PRLR: variants seen among roughly 807,000 people sequenced by gnomAD.
PRLR encodes prolactin receptor.
A neutral mutation model predicts 40.2 loss-of-function variants in PRLR; 13 were observed. The ratio of observed to expected loss-of-function variants is 0.32; its 90% CI spans 0.21 to 0.51. The LOEUF is 0.51. Ranked by LOEUF, PRLR falls within the 20% of genes least tolerant of loss-of-function variation. The pLI, the probability that PRLR is intolerant of heterozygous loss-of-function variation, is 0.97. For synonymous variants in PRLR, 269 were observed against 278.7 expected (o/e 0.97, Z 0.35); for missense variants, 656 against 747.3 (o/e 0.88, Z 1.42).
intron 1 of PRLR, among the ~76,000 whole-genome samples, chr5:35,172,941 A>G (rs1211055330): frequency 6.6e-6 from 1 of 152,204 alleles, no homozygotes; most frequent in Non-Finnish European, 1.5e-5. Flanking sequence ...AACCATATGG[A>G]TAAGAAGATG....
chr5:35,187,469 T>C (rs1448782443), intron 1 of PRLR, among the ~76,000 whole-genome samples: 3 of 151,706 alleles, frequency 2.0e-5, no homozygotes, highest in Non-Finnish European at 4.4e-5. Context: ...TATCAACAGA[T>C]GAGAGCTCAC....
intron 4 of PRLR, among the ~76,000 whole-genome samples, 157 bp from the exon 5 acceptor site, chr5:35,084,796 A>G (rs60443451): frequency 0.013 from 1,917 of 152,314 alleles, 42 homozygotes; most frequent in African/African-American, 0.044. Flanking sequence ...TGTTCTGCCC[A>G]TTTCAGCTGG....
At chr5:35,197,740 C>A (rs114320040) in intron 1 of PRLR, among the ~76,000 whole-genome samples, 1 of 152,240 alleles carries the variant, frequency 6.6e-6, no homozygotes, top group Non-Finnish European at 1.5e-5. Context: ...CCTCCCCAAC[C>A]AGCGACTGCT....
intron 1 of PRLR, among the ~76,000 whole-genome samples, chr5:35,128,199 T>C (rs750947817): frequency 2.6e-5 from 4 of 151,726 alleles, no homozygotes; most frequent in Admixed American, 6.6e-5. Context: ...TTGAATTGTA[T>C]ACAGTTGTCC....
rs376118040 is a variant in PRLR at position 35,093,426 on chromosome 5, T to C, written c.-43-3763A>G. 5.3e-5 allele frequency among the ~76,000 whole-genome samples: 8 copies of C among 152,296 alleles called. No homozygotes were observed. In the South Asian group the frequency reaches 1.7e-3, roughly 32 times the overall value. On this transcript the variant is annotated intron_variant, in intron 2 of 9. Transcript: ENST00000618457. The stretch of plus-strand genomic sequence containing the variant: ...CCTGCCAGCAATCTCAGCCCTACCA[T>C]TCTGTGGAACTTGCTCCCAAGACTG...
chr5:35,089,687 C>A (rs1771083935), intron 2 of PRLR, 24 bp from the exon 3 acceptor site: 1 of 1,549,902 alleles, frequency 6.5e-7, no homozygotes, highest in African/African-American at 1.4e-5. Context: ...TAGCAGGTAA[C>A]TTTTGTGAAA....
chr5:35,114,475 G>A (rs116298540), intron 2 of PRLR, among the ~76,000 whole-genome samples: 32 of 152,316 alleles, frequency 2.1e-4, no homozygotes, highest in African/African-American at 7.5e-4. Context: ...ACCATCATCA[G>A]TTGGGGTTAC....
chr5:35,157,400 T>C (rs1329346520), intron 1 of PRLR, among the ~76,000 whole-genome samples: 1 of 152,196 alleles, frequency 6.6e-6, no homozygotes, highest in East Asian at 1.9e-4. Flanking sequence ...TAGATGCTAC[T>C]GTATCCATCC....
chr5:35,086,171 C>A, intron 4 of PRLR, 37 bp downstream of exon 4: 1 of 1,611,252 alleles, frequency 6.2e-7, no homozygotes, highest in South Asian at 1.1e-5. Context: ...TGGGAGTACT[C>A]ATGTGGGGTT....
chr5:35,156,985 C>G lies in PRLR; in HGVS notation c.-105-38863G>C, dbSNP rs528502615. On this transcript the variant is annotated intron_variant, in intron 1 of 9. Transcript: ENST00000618457. ...ATGTCTCGTTGCATCCTTAATTTAG[C>G]TCCTAATTCAGAGCTAAGCTCATGG... Among the ~76,000 whole-genome samples the G allele has an allele frequency of 6.6e-5, 10 of 152,090 alleles. No individual in the cohort carries two copies. The East Asian group carries it at 2.0e-3, about 30-fold the overall frequency.
At chr5:35,113,472 TCC>T in intron 2 of PRLR, among the ~76,000 whole-genome samples, 1 of 139,100 alleles carries the variant, frequency 7.2e-6, no homozygotes, top group Non-Finnish European at 1.6e-5. Context: ...CATCCATCCA[TCC>T]ATCCATCCAT....
rs763119303 is a variant in PRLR, at chr5:35,072,677, C to G, written c.441G>C (p.Leu147=). 46 of 1,614,078 alleles carry G rather than the reference C, an allele frequency of 2.8e-5. No individual in the cohort carries two copies. Among genetic ancestry groups the G allele is most frequent in the Non-Finnish European group, 3.7e-5 (44 of 1,180,034 alleles). The change falls in exon 6 of 10, where the codon CTG becomes CTC. Residue 147 remains leucine (L), a synonymous_variant. Transcript: ENST00000618457. Reference sequence around the variant, plus strand: ...GGGTAGGTGGAGACCATTTAATCCACAGGTAGGGTTTTCTGTCTTCTGGCT... The same window carrying G: ...GGGTAGGTGGAGACCATTTAATCCAGAGGTAGGGTTTTCTGTCTTCTGGCT... The part of the protein sequence containing the change: ...VKQPEDRKPY[L]WIKWSPPTLI...
intron 1 of PRLR, among the ~76,000 whole-genome samples, chr5:35,139,197 C>T (rs191204020): frequency 1.8e-4 from 27 of 152,198 alleles, no homozygotes; most frequent in Non-Finnish European, 3.1e-4. Context: ...TGCGGTGGTG[C>T]GATGTCGGCT....
chr5:35,157,095 G>T (rs951437258), intron 1 of PRLR, among the ~76,000 whole-genome samples: 1 of 152,062 alleles, frequency 6.6e-6, no homozygotes, highest in South Asian at 2.1e-4. Flanking sequence ...GAAAAAGAGT[G>T]TAGTCACAAG....
chr5:35,171,325 T>C (rs1579760567), intron 1 of PRLR, among the ~76,000 whole-genome samples: 1 of 152,100 alleles, frequency 6.6e-6, no homozygotes, highest in African/African-American at 2.4e-5. Flanking sequence ...TCCAGAGAAA[T>C]TTACCATTGG....
chr5:35,150,421 T>C (rs1413738251), intron 1 of PRLR, among the ~76,000 whole-genome samples: 1 of 152,224 alleles, frequency 6.6e-6, no homozygotes, highest in Non-Finnish European at 1.5e-5. Context: ...GCCTTCTGCC[T>C]AGACTTACGC....
chr5:35,113,378 T>TATCC (rs753971139), intron 2 of PRLR, among the ~76,000 whole-genome samples: 8,102 of 105,504 alleles, frequency 0.077, 426 homozygotes, highest in African/African-American at 0.15. Context: ...CCCACCCATT[T>TATCC]ATCCATCCAT....
chr5:35,144,913 A>G (rs575405999), intron 1 of PRLR, among the ~76,000 whole-genome samples: 10 of 152,294 alleles, frequency 6.6e-5, no homozygotes, highest in Middle Eastern at 6.8e-3. Flanking sequence ...GCATTTAGAA[A>G]AGACAGCCAG....
At chr5:35,084,675 G>T (rs1770733400) in intron 4 of PRLR, 36 bp from the exon 5 acceptor site, 1 of 1,574,678 alleles carries the variant, frequency 6.4e-7, no homozygotes, top group Non-Finnish European at 8.6e-7. Flanking sequence ...GAATAAGAAA[G>T]TAATAAAGAG....
Sources: allele counts gnomAD v4.1 joint callset (sites outside exome capture counted in the v4.1 genomes callset), GRCh38; gene constraint gnomAD v4.1.1; transcripts MANE v1.5; gene names NCBI Gene and HGNC (gene_info 2026-07-23, HGNC 2026-07-21).